SYT10: variants seen among roughly 807,000 people sequenced by gnomAD.
The protein encoded by SYT10 is synaptotagmin-10.
SYT10 carries 31 observed loss-of-function variants against 51.1 expected under a neutral mutation model. That is an observed-to-expected ratio of 0.61 (90% CI 0.46 to 0.82). The LOEUF (loss-of-function observed/expected upper bound fraction) is 0.82, where lower values mean the gene tolerates loss of function less well. Ranked by LOEUF, SYT10 falls within the 40% of genes least tolerant of loss-of-function variation. The pLI is 0.00. For missense variants in SYT10, 603 were observed against 634.0 expected, an observed-to-expected ratio of 0.95 and a Z score of 0.53; for synonymous variants, 233 against 225.9, an observed-to-expected ratio of 1.03 and a Z score of -0.28.
chr12:33,385,146 G>A, intron 4 of SYT10, 25 bp downstream of exon 4: 1 of 1,608,764 alleles, frequency 6.2e-7, no homozygotes, highest in Non-Finnish European at 8.5e-7. Flanking sequence ...TTGTGCCCTT[G>A]GTCCTGTGGC....
At chr12:33,378,145 C>T (rs764091129) in intron 6 of SYT10, among the ~76,000 whole-genome samples, 3 of 152,024 alleles carry the variant, frequency 2.0e-5, no homozygotes, top group Non-Finnish European at 4.4e-5. Context: ...TTAAAAGGAG[C>T]TATTTTGCTG....
In SYT10 at chr12:33,375,239, A is replaced by C. The variant is rs1309076381; in HGVS notation, c.*1591T>G. The C allele has an allele frequency of 2.6e-5, 4 of 152,020 alleles. No individual in the cohort carries two copies. The highest frequency in any genetic ancestry group is 5.9e-5 in the Non-Finnish European group (4 of 67,956). 9.4% of individuals were successfully genotyped at this position (152,020 alleles called of 1,614,324 possible). A position where few individuals can be genotyped will look rare whatever the true frequency, so the allele number is the denominator to read the frequency against. On this transcript the variant is annotated 3_prime_UTR_variant, in exon 7 of 7. Transcript: ENST00000228567. ...TTTGCCTTTAAAATGGTAATGTGCA[A>C]AATATTTACCTCTTAATTAACAGTA...
At position 33,406,875 on chromosome 12, in the gene SYT10, C is replaced by T. The variant is rs1866357668; in HGVS notation, c.991G>A (p.Gly331Arg). The T allele has an allele frequency of 1.9e-6, 3 of 1,613,904 alleles. No individual in the cohort carries two copies. Among genetic ancestry groups the T allele is most frequent in the Non-Finnish European group, 2.5e-6 (3 of 1,180,020 alleles). The change falls in exon 3 of 7, where the codon GGG (glycine) becomes AGG (arginine). Residue 331 changes from glycine to arginine, a missense_variant. Transcript: ENST00000228567. Reference protein sequence around the residue: ...FDRFSRHDMIGEVILDNLFEV... With the variant: ...FDRFSRHDMIREVILDNLFEV... ...AACAAATTATCAAGAATCACTTCCC[C>T]AATCATGTCATGTCTAGAAAATCTG...
At chr12:33,389,374 A>G (rs906301645) in intron 3 of SYT10, among the ~76,000 whole-genome samples, 19 of 152,184 alleles carry the variant, frequency 1.2e-4, no homozygotes, top group African/African-American at 4.6e-4. Context: ...TTTAATTGCA[A>G]ATAAAATGAA....
intron 2 of SYT10, among the ~76,000 whole-genome samples, chr12:33,417,554 T>C (rs1315062153): frequency 1.3e-5 from 2 of 152,170 alleles, no homozygotes; most frequent in African/African-American, 2.4e-5. Context: ...CAACAGAAAA[T>C]GTATCAACAC....
chr12:33,412,807 G>A (rs1358027168), intron 2 of SYT10, among the ~76,000 whole-genome samples: 16 of 152,122 alleles, frequency 1.1e-4, no homozygotes, highest in South Asian at 2.1e-4. Context: ...GCAGCTCCTC[G>A]CCAGCAGCAG....
intron 3 of SYT10, among the ~76,000 whole-genome samples, chr12:33,406,256 T>C (rs1478629965): frequency 1.3e-5 from 2 of 152,136 alleles, no homozygotes; most frequent in Non-Finnish European, 2.9e-5. Context: ...TCTTGATCAC[T>C]GATCATTTCA....
In SYT10 at chr12:33,376,133, T is replaced by G. The variant is rs1866059686; in HGVS notation, c.*697A>C. The G allele has an allele frequency of 6.6e-6, 1 of 152,312 alleles. No individual in the cohort carries two copies. Among genetic ancestry groups the G allele is most frequent in the Admixed American group, 6.5e-5 (1 of 15,296 alleles). 9.4% of individuals were successfully genotyped at this position (152,312 alleles called of 1,614,324 possible). A position where few individuals can be genotyped will look rare whatever the true frequency, so the allele number is the denominator to read the frequency against. ...AATGTTACAGTAAAACAGTGTAAAA[T>G]GGTAGCCACAATGGCTCAGCCTCCG... is the stretch of plus-strand genomic sequence containing the variant. On this transcript the variant is annotated 3_prime_UTR_variant, in exon 7 of 7. Coordinates refer to ENST00000228567, the MANE Select transcript of SYT10 (RefSeq NM_198992.4).
In SYT10 at chr12:33,439,495, T is replaced by G; in HGVS notation, c.28A>C (p.Asn10His). 1 of 1,613,934 alleles carries G rather than the reference T, an allele frequency of 6.2e-7. No individual in the cohort carries two copies. The highest frequency in any genetic ancestry group is 8.5e-7 in the Non-Finnish European group (1 of 1,179,930). The change falls in exon 1 of 7, where the codon AAC (asparagine) becomes CAC (histidine). Residue 10 changes from asparagine (N) to histidine (H), a missense_variant. Physicochemically the swap from Asn to His is moderately conservative, Grantham distance 68 (BLOSUM62 1). Coordinates refer to ENST00000228567, the MANE Select transcript of SYT10 (RefSeq NM_198992.4). The part of the protein sequence containing the change: MSFHKEDGV[N>H]SLCQKALHIV... Reference sequence around the variant, plus strand: ...TGCAGAGCCTTCTGGCACAGACTGTTCACTCCGTCCTCCTTGTGGAAACTC... The same window carrying G: ...TGCAGAGCCTTCTGGCACAGACTGTGCACTCCGTCCTCCTTGTGGAAACTC...
At chr12:33,392,979 T>C (rs11052675) in intron 3 of SYT10, among the ~76,000 whole-genome samples, 1,162 of 68,936 alleles carry the variant, frequency 0.017, 22 homozygotes, top group African/African-American at 0.1. Context: ...TTGTGGTTTT[T>C]GCCATTAAAA....
At chr12:33,435,593 T>C (rs1424412811) in intron 1 of SYT10, among the ~76,000 whole-genome samples, 1 of 152,188 alleles carries the variant, frequency 6.6e-6, no homozygotes, top group Non-Finnish European at 1.5e-5. Flanking sequence ...AGGAAAAAAT[T>C]CTACTGATAA....
intron 3 of SYT10, among the ~76,000 whole-genome samples, chr12:33,390,304 G>A (rs767771487): frequency 2.0e-4 from 30 of 152,260 alleles, no homozygotes; most frequent in African/African-American, 6.0e-4. Context: ...AAGGCTGAGC[G>A]TATCAGGCTT....
chr12:33,437,437 A>T (rs1211206141), intron 1 of SYT10, among the ~76,000 whole-genome samples: 3 of 152,378 alleles, frequency 2.0e-5, no homozygotes, highest in Admixed American at 2.0e-4. Flanking sequence ...AACTATTTCT[A>T]TAATTCATAT....
chr12:33,431,347 T>C (rs559393511), intron 1 of SYT10, among the ~76,000 whole-genome samples: 3 of 152,268 alleles, frequency 2.0e-5, no homozygotes, highest in Admixed American at 6.5e-5. Flanking sequence ...AGAGATCCTA[T>C]TGCTGTGAAG....
intron 6 of SYT10, among the ~76,000 whole-genome samples, chr12:33,377,567 T>A (rs1034989061): frequency 7.2e-5 from 11 of 152,200 alleles, no homozygotes; most frequent in Admixed American, 2.6e-4. Flanking sequence ...ATTTACAAAG[T>A]TTAATTACAA....
intron 6 of SYT10, among the ~76,000 whole-genome samples, chr12:33,379,383 C>T (rs11052663): frequency 0.31 from 46,828 of 151,352 alleles, 8,744 homozygotes; most frequent in African/African-American, 0.52. Context: ...TTTCCCCTTA[C>T]GCAGAAAAGT....
intron 3 of SYT10, among the ~76,000 whole-genome samples, chr12:33,394,914 T>G (rs1254232551): frequency 6.6e-6 from 1 of 152,084 alleles, no homozygotes; most frequent in African/African-American, 2.4e-5. Flanking sequence ...GGTGAAACCC[T>G]GTCTCTACTA....
At chr12:33,425,408 C>T (rs1201413290) in intron 2 of SYT10, among the ~76,000 whole-genome samples, 3 of 152,044 alleles carry the variant, frequency 2.0e-5, no homozygotes, top group Non-Finnish European at 4.4e-5. Context: ...TTTTCCTTTA[C>T]AGTTAATACA....
At chr12:33,405,264 C>A (rs1175923899) in intron 3 of SYT10, 1 of 152,050 alleles carries the variant, frequency 6.6e-6, no homozygotes, top group East Asian at 1.9e-4. Flanking sequence ...TTGCCATCTG[C>A]ATTTGTAGAA....
Sources: allele counts gnomAD v4.1 joint callset (sites outside exome capture counted in the v4.1 genomes callset), GRCh38; gene constraint gnomAD v4.1.1; transcripts MANE v1.5; gene names NCBI Gene and HGNC (gene_info 2026-07-23, HGNC 2026-07-21).